PRELID2: variants seen among roughly 807,000 people sequenced by gnomAD.
The protein encoded by PRELID2 is PRELI domain containing 2, also known as PRELI domain-containing protein 2.
PRELID2 carries 25 observed loss-of-function variants against 28.4 expected under a neutral mutation model. That is an observed-to-expected ratio of 0.88 (90% CI 0.64 to 1.23). The LOEUF (loss-of-function observed/expected upper bound fraction) is 1.23. Among genes scored for constraint, PRELID2 ranks in the 50% most tolerant of loss-of-function variants. The pLI is 0.00. For synonymous variants in PRELID2, 76 were observed against 71.6 expected, an observed-to-expected ratio of 1.06 and a Z score of -0.31; for missense variants, 201 against 214.4, an observed-to-expected ratio of 0.94 and a Z score of 0.39.
intron 1 of PRELID2, among the ~76,000 whole-genome samples, chr5:145,511,440 C>T (rs1415300747): frequency 2.6e-5 from 4 of 152,184 alleles, no homozygotes; most frequent in African/African-American, 4.8e-5. Flanking sequence ...ATACCTTCTT[C>T]GTGACTGAAA....
At chr5:145,770,888 T>C (rs1301950587) in intron 5 of PRELID2, among the ~76,000 whole-genome samples, 1 of 152,240 alleles carries the variant, frequency 6.6e-6, no homozygotes, top group African/African-American at 2.4e-5. Flanking sequence ...CACAATTTTA[T>C]AGAGTAAAAA....
At chr5:145,430,658 C>T in the PRELID2 span, among the ~76,000 whole-genome samples, 2 of 152,112 alleles carry the variant, frequency 1.3e-5, no homozygotes, top group Admixed American at 6.6e-5. Context: ...TGCCTGTATA[C>T]CTTTGATTTG....
At chr5:145,355,998 T>C in the PRELID2 span, among the ~76,000 whole-genome samples, 1 of 152,242 alleles carries the variant, frequency 6.6e-6, no homozygotes, top group Non-Finnish European at 1.5e-5. Context: ...AAGAGTAATT[T>C]CTATGGAATA....
chr5:145,319,620 G>A, the PRELID2 span, among the ~76,000 whole-genome samples: 8 of 151,968 alleles, frequency 5.3e-5, no homozygotes, highest in South Asian at 4.2e-4. Context: ...GCAGTGAGCC[G>A]AATTCGTGCC....
chr5:145,656,283 A>T (rs1164423937), intron 1 of PRELID2, among the ~76,000 whole-genome samples: 2 of 152,192 alleles, frequency 1.3e-5, no homozygotes, highest in African/African-American at 4.8e-5. Flanking sequence ...GAGAAATAGG[A>T]ATGCTTTTAC....
At chr5:145,517,843 G>A (rs2126646705) in intron 1 of PRELID2, among the ~76,000 whole-genome samples, 1 of 152,210 alleles carries the variant, frequency 6.6e-6, no homozygotes, top group Admixed American at 6.5e-5. Context: ...CCTTTGCAGG[G>A]ACATGGATGA....
intron 1 of PRELID2, among the ~76,000 whole-genome samples, chr5:145,694,379 A>T (rs956413614): frequency 3.3e-5 from 5 of 152,202 alleles, no homozygotes; most frequent in Non-Finnish European, 7.3e-5. Flanking sequence ...TAAAATAAAG[A>T]TGCATGATTT....
intron 4 of PRELID2, among the ~76,000 whole-genome samples, chr5:145,817,578 T>A (rs1335300255): frequency 6.6e-6 from 1 of 151,036 alleles, no homozygotes; most frequent in East Asian, 1.9e-4. Context: ...GCTCTATGAG[T>A]ATATATATAA....
chr5:145,651,591 T>C (rs1277044667), intron 1 of PRELID2, among the ~76,000 whole-genome samples: 1 of 152,192 alleles, frequency 6.6e-6, no homozygotes, highest in Non-Finnish European at 1.5e-5. Flanking sequence ...CAACATTTGT[T>C]GTTCAGCAAT....
At chr5:145,812,703 T>C (rs2149847066) in intron 4 of PRELID2, among the ~76,000 whole-genome samples, 1 of 152,246 alleles carries the variant, frequency 6.6e-6, no homozygotes, top group Middle Eastern at 3.4e-3. Context: ...GGAGGAGGGA[T>C]AAAGTAAGTA....
At position 145,475,717 on chromosome 5, in the gene PRELID2, G is replaced by A. The variant is rs376768827; in HGVS notation, n.71-2402C>T. 4.7e-4 allele frequency among the ~76,000 whole-genome samples: 71 copies of A among 152,246 alleles called. 1 individual carries two copies. The South Asian group carries it at 0.014, about 31-fold the overall frequency. ...GAATAGTATTAGCCCAGCTTTTCCA[G>A]CTTAAGTTAATATTGGTCAGCTAAT... On this transcript the variant is annotated intron_variant and non_coding_transcript_variant, in intron 1 of 2. Transcript: ENST00000510259.
the PRELID2 span, among the ~76,000 whole-genome samples, chr5:145,333,261 G>A: frequency 3.6e-4 from 55 of 152,338 alleles, no homozygotes; most frequent in African/African-American, 1.2e-3. Flanking sequence ...GGACCCACTT[G>A]AGGAGGCAGT....
At chr5:145,660,345 T>C (rs772591300) in intron 1 of PRELID2, among the ~76,000 whole-genome samples, 13 of 152,196 alleles carry the variant, frequency 8.5e-5, no homozygotes, top group Non-Finnish European at 1.5e-4. Flanking sequence ...ATGCTCCAAA[T>C]TGTCGCAATC....
the PRELID2 span, among the ~76,000 whole-genome samples, chr5:145,446,092 ATATAT>A: frequency 3.9e-5 from 6 of 152,218 alleles, no homozygotes; most frequent in Admixed American, 1.3e-4. Context: ...GTTAACAATA[ATATAT>A]TATAGAGTTT....
rs373659216 is a variant in PRELID2 at position 145,616,298 on chromosome 5, C to G, written n.71-142983G>C. Among the ~76,000 whole-genome samples the G allele has an allele frequency of 3.3e-5, 5 of 152,256 alleles. No homozygotes were observed. In the South Asian group the frequency reaches 8.3e-4, roughly 25 times the overall value. On this transcript the variant is annotated intron_variant and non_coding_transcript_variant, in intron 1 of 2. Coordinates refer to the PRELID2 transcript ENST00000510259. ...TGGATGTCTAGGTCTCCAGCAAGGC[C>G]AGGGAAGTTTTCCTCAATTATTCCC...
intron 1 of PRELID2, among the ~76,000 whole-genome samples, chr5:145,536,782 CAA>C (rs1215469979): frequency 6.6e-6 from 1 of 151,746 alleles, no homozygotes; most frequent in African/African-American, 2.4e-5. Flanking sequence ...TAAAGTGACT[CAA>C]AGAGTGAATA....
chr5:145,623,729 T>C (rs1310120436), intron 1 of PRELID2, among the ~76,000 whole-genome samples: 4 of 152,206 alleles, frequency 2.6e-5, no homozygotes, highest in Non-Finnish European at 5.9e-5. Flanking sequence ...AGTGTTAAAA[T>C]AAGCATTTCC....
chr5:145,260,905 G>A, the PRELID2 span, among the ~76,000 whole-genome samples: 40 of 152,174 alleles, frequency 2.6e-4, no homozygotes, highest in Non-Finnish European at 8.8e-5. Context: ...TGGGTGGCTT[G>A]TAGCCTGGGG....
the PRELID2 span, among the ~76,000 whole-genome samples, chr5:145,299,943 A>G: frequency 2.0e-5 from 3 of 152,124 alleles, no homozygotes; most frequent in Non-Finnish European, 4.4e-5. Context: ...TTTTAAATCA[A>G]TGAGTTGATT....
Sources: allele counts gnomAD v4.1 joint callset (sites outside exome capture counted in the v4.1 genomes callset), GRCh38; gene constraint gnomAD v4.1.1; transcripts MANE v1.5; gene names NCBI Gene and HGNC (gene_info 2026-07-23, HGNC 2026-07-21).